The following DENND5A variants were observed in gnomAD, a reference collection of about 807,000 sequenced individuals.
The protein encoded by DENND5A is DENN domain containing 5A.
A neutral mutation model predicts 140.3 loss-of-function variants in DENND5A; 64 were observed. The observed-to-expected ratio is 0.46, with a 90% CI of 0.37 to 0.56. The LOEUF (loss-of-function observed/expected upper bound fraction) is 0.56. Ranked by LOEUF, DENND5A falls within the 20% of genes least tolerant of loss-of-function variation. DENND5A has a pLI of 0.00. For missense variants in DENND5A, 1,292 were observed against 1,593.8 expected (o/e 0.81, Z 3.22); for synonymous variants, 605 against 607.7 (o/e 1.00, Z 0.07).
At chr11:9,218,546 C>T (rs1032896400) in intron 1 of DENND5A, among the ~76,000 whole-genome samples, 7 of 151,834 alleles carry the variant, frequency 4.6e-5, no homozygotes, top group Non-Finnish European at 7.4e-5. Context: ...TGCAACATGG[C>T]GAAATCCTGT....
intron 4 of DENND5A, 172 bp downstream of exon 4, chr11:9,203,488 A>C (rs1485987437): frequency 1.5e-6 from 1 of 653,064 alleles, no homozygotes; most frequent in Non-Finnish European, 2.6e-6. Flanking sequence ...TTAATCAGAA[A>C]TACTGGCCCT....
At chr11:9,262,240 G>C (rs1852237079) in intron 1 of DENND5A, among the ~76,000 whole-genome samples, 1 of 152,128 alleles carries the variant, frequency 6.6e-6, no homozygotes, top group Admixed American at 6.6e-5. Flanking sequence ...GTCAATAGGA[G>C]AGCAGGAATA....
At chr11:9,212,651 A>G (rs1849924988) in intron 1 of DENND5A, among the ~76,000 whole-genome samples, 1 of 152,240 alleles carries the variant, frequency 6.6e-6, no homozygotes, top group African/African-American at 2.4e-5. Flanking sequence ...ACACAAATAA[A>G]TAAAAATCTG....
intron 8 of DENND5A, among the ~76,000 whole-genome samples, chr11:9,172,548 A>T (rs941547231): frequency 6.6e-6 from 1 of 152,134 alleles, no homozygotes; most frequent in Non-Finnish European, 1.5e-5. Context: ...CCCTCATGCT[A>T]TTCTCGCGAT....
intron 1 of DENND5A, among the ~76,000 whole-genome samples, chr11:9,237,214 C>T (rs907086178): frequency 6.6e-6 from 1 of 152,138 alleles, no homozygotes; most frequent in Non-Finnish European, 1.5e-5. Context: ...GTCAGGAGTA[C>T]AAGACCAGCC....
intron 1 of DENND5A, among the ~76,000 whole-genome samples, chr11:9,230,363 C>G (rs761667587): frequency 2.0e-5 from 3 of 148,942 alleles, no homozygotes; most frequent in Non-Finnish European, 4.4e-5. Flanking sequence ...ACCTTAGCCT[C>G]CCAAGTAGCT....
chr11:9,227,344 C>G (rs1208867609), intron 1 of DENND5A, among the ~76,000 whole-genome samples: 1 of 152,148 alleles, frequency 6.6e-6, no homozygotes, highest in Non-Finnish European at 1.5e-5. Context: ...CATCACTTTT[C>G]TATTGAGTTC....
intron 1 of DENND5A, among the ~76,000 whole-genome samples, chr11:9,231,330 T>C (rs2136251373): frequency 6.6e-6 from 1 of 152,284 alleles, no homozygotes; most frequent in African/African-American, 2.4e-5. Context: ...CTAAGAACAC[T>C]GACAAGTCCG....
chr11:9,141,903 T>A (rs1847255264), intron 22 of DENND5A, 37 bp downstream of exon 22: 1 of 1,527,766 alleles, frequency 6.5e-7, no homozygotes, highest in Non-Finnish European at 8.8e-7. Flanking sequence ...CCACCAAGGC[T>A]AACCGCTGTG....
intron 1 of DENND5A, among the ~76,000 whole-genome samples, chr11:9,225,488 C>T (rs958352073): frequency 3.3e-5 from 5 of 152,116 alleles, no homozygotes; most frequent in Non-Finnish European, 7.4e-5. Context: ...GGGGCGGGCA[C>T]GGTGGCTCAC....
chr11:9,170,682 C>T lies in DENND5A; in HGVS notation c.2002G>A (p.Gly668Ser). The T allele has an allele frequency of 6.2e-7, 1 of 1,613,786 alleles. No homozygotes were observed. The highest frequency in any genetic ancestry group is 8.5e-7 in the Non-Finnish European group (1 of 1,179,992). ...MKIGQGKYEP[G>S]FFPKLQSDVL... ...TCAGACTGCAGCTTAGGGAAGAAGC[C>T]CGGCTCATATTTCCCTTGTCCAATC... The change falls in exon 9 of 23, where the codon GGC (glycine) becomes AGC (serine). Residue 668 changes from glycine to serine, a missense_variant. Around this residue, in one of 4 missense-constraint regions of DENND5A, gnomAD observed 199 missense variants for 189.1 expected, o/e 1.05. Coordinates refer to ENST00000328194, the MANE Select transcript of DENND5A (RefSeq NM_015213.4).
At chr11:9,159,504 G>A (rs1260027026) in intron 12 of DENND5A, among the ~76,000 whole-genome samples, 2 of 152,038 alleles carry the variant, frequency 1.3e-5, no homozygotes, top group Admixed American at 6.6e-5. Flanking sequence ...TTTTGGTAGA[G>A]ACGGGGTTTC....
At chr11:9,197,077 G>A (rs1849354751) in intron 4 of DENND5A, among the ~76,000 whole-genome samples, 1 of 151,508 alleles carries the variant, frequency 6.6e-6, no homozygotes, top group Admixed American at 6.6e-5. Flanking sequence ...GGCCAAGGTA[G>A]GCGGATCGCT....
chr11:9,237,278 GGT>G (rs750720812), intron 1 of DENND5A, among the ~76,000 whole-genome samples: 5 of 151,944 alleles, frequency 3.3e-5, no homozygotes, highest in Non-Finnish European at 5.9e-5. Flanking sequence ...ATTAGCCAGG[GGT>G]GTGGTGGCAC....
chr11:9,206,500 C>G (rs976129804), intron 3 of DENND5A, among the ~76,000 whole-genome samples, 173 bp downstream of exon 3: 1 of 152,108 alleles, frequency 6.6e-6, no homozygotes, highest in Admixed American at 6.5e-5. Flanking sequence ...TTAATATATT[C>G]TGAATATTTG....
At chr11:9,200,665 T>C (rs1402917808) in intron 4 of DENND5A, among the ~76,000 whole-genome samples, 1 of 152,178 alleles carries the variant, frequency 6.6e-6, no homozygotes, top group Non-Finnish European at 1.5e-5. Context: ...TCAACATAGT[T>C]TCCATTACTT....
intron 1 of DENND5A, among the ~76,000 whole-genome samples, chr11:9,215,731 G>C (rs1443934611): frequency 2.7e-5 from 4 of 146,960 alleles, no homozygotes; most frequent in Non-Finnish European, 4.5e-5. Context: ...TTGTGTTTTA[G>C]TAAAGATAGG....
chr11:9,178,523 G>A (rs979002515), intron 7 of DENND5A, among the ~76,000 whole-genome samples, 157 bp from the exon 8 acceptor site: 2 of 150,802 alleles, frequency 1.3e-5, no homozygotes, highest in Non-Finnish European at 2.9e-5. Context: ...ACCCACTCAT[G>A]TAAGTTCAGG....
chr11:9,252,099 A>G (rs2136291922), intron 1 of DENND5A, among the ~76,000 whole-genome samples: 1 of 150,412 alleles, frequency 6.6e-6, no homozygotes, highest in East Asian at 2.0e-4. Context: ...AGAGATGGAG[A>G]CCATTCTGGC....
Sources: gnomAD v4.1 joint callset for allele counts (sites outside exome capture counted in the v4.1 genomes callset) on GRCh38, gnomAD v4.1.1 for gene constraint, gnomAD v4.1.1 regional missense constraint, MANE v1.5 for transcripts, NCBI Gene and HGNC (gene_info 2026-07-23, HGNC 2026-07-21) for gene names.